The following PTPRD variants were observed in gnomAD, a reference collection of about 807,000 sequenced individuals.
PTPRD encodes the protein protein tyrosine phosphatase receptor type D, also known as receptor-type tyrosine-protein phosphatase delta.
In PTPRD, 34 loss-of-function variants were observed where a neutral mutation model predicts 214.5. That is an observed-to-expected ratio of 0.16 (90% CI 0.12 to 0.21). The LOEUF is 0.21. Among genes scored for constraint, PTPRD ranks in the 10% least tolerant of loss-of-function variants. PTPRD has a pLI of 1.00. For synonymous variants in PTPRD, 1,128 were observed against 845.7 expected, an observed-to-expected ratio of 1.33 and a Z score of -5.79; for missense variants, 2,545 against 2,398.7, an observed-to-expected ratio of 1.06 and a Z score of -1.27.
chr9:9,302,975 T>G (rs1955966094), intron 9 of PTPRD, among the ~76,000 whole-genome samples: 1 of 152,012 alleles, frequency 6.6e-6, no homozygotes, highest in South Asian at 2.1e-4. Flanking sequence ...TCTCTTTAGA[T>G]TCTATGCTAT....
chr9:8,806,567 G>C (rs1199647774), intron 11 of PTPRD, among the ~76,000 whole-genome samples: 1 of 152,094 alleles, frequency 6.6e-6, no homozygotes, highest in Non-Finnish European at 1.5e-5. Flanking sequence ...TATGCTATTA[G>C]ATTATCTGTA....
Position 10,258,743 on chromosome 9 carries a change from A to AAATC in PTPRD, c.-545+82219_-545+82220insGATT, listed in dbSNP as rs1554969633. On this transcript the variant is annotated intron_variant, in intron 3 of 45. Transcript: ENST00000381196. Reference sequence around the variant, plus strand: ...AGGTTTCAGTCAGGTATCGTTTTGTATCTCTCTCTCTTTCTCTCTCTTTCT... The same window carrying AAATC: ...AGGTTTCAGTCAGGTATCGTTTTGTAAATCTCTCTCTCTCTTTCTCTCTCTTTCT... 2.0e-5 allele frequency among the ~76,000 whole-genome samples: 3 copies of AAATC among 151,876 alleles called. No homozygotes were observed. In the East Asian group the frequency reaches 5.8e-4, roughly 30 times the overall value.
chr9:9,184,734 T>C (rs966186656), intron 9 of PTPRD, among the ~76,000 whole-genome samples: 9 of 152,078 alleles, frequency 5.9e-5, no homozygotes, highest in African/African-American at 2.2e-4. Context: ...TTTTGTCTTG[T>C]TTGAGGTTTT....
chr9:10,478,960 G>A lies in PTPRD; in HGVS notation c.-600+133438C>T, dbSNP rs532575020. Among the ~76,000 whole-genome samples, 104 of 151,918 alleles carry A rather than the reference G, an allele frequency of 6.8e-4. 2 individuals carry two copies. The highest frequency in any genetic ancestry group is 1.2e-4 in the Non-Finnish European group (8 of 67,950). On this transcript the variant is annotated intron_variant, in intron 2 of 45. Transcript: ENST00000381196. Reference sequence around the variant, plus strand: ...TCTCCATACATAAATCTATTTTTAAGAGAAATATTAATAATTGAATAAAAA... The same window carrying A: ...TCTCCATACATAAATCTATTTTTAAAAGAAATATTAATAATTGAATAAAAA...
intron 2 of PTPRD, among the ~76,000 whole-genome samples, chr9:10,516,730 C>A (rs542349933): frequency 6.6e-6 from 1 of 151,920 alleles, no homozygotes; most frequent in African/African-American, 2.4e-5. Context: ...CCTTTAATTC[C>A]TTTTCAGTTT....
intron 8 of PTPRD, among the ~76,000 whole-genome samples, chr9:9,543,344 A>T (rs766399206): frequency 2.0e-5 from 3 of 151,712 alleles, no homozygotes; most frequent in Non-Finnish European, 4.4e-5. Context: ...GCTACTTTCC[A>T]GAGGGATGCA....
chr9:9,079,590 T>C (rs1259168543), intron 10 of PTPRD, among the ~76,000 whole-genome samples: 1 of 150,392 alleles, frequency 6.6e-6, no homozygotes, highest in Non-Finnish European at 1.5e-5. Context: ...TCCATAGTGG[T>C]TGCACTAGTT....
At chr9:9,365,684 A>C (rs904152551) in intron 9 of PTPRD, among the ~76,000 whole-genome samples, 2 of 151,460 alleles carry the variant, frequency 1.3e-5, no homozygotes, top group African/African-American at 4.8e-5. Flanking sequence ...AATGGGCTTA[A>C]ATAGACAGGT....
intron 11 of PTPRD, among the ~76,000 whole-genome samples, chr9:8,944,507 T>C (rs1437579035): frequency 6.6e-6 from 1 of 152,076 alleles, no homozygotes; most frequent in Non-Finnish European, 1.5e-5. Flanking sequence ...AACCTACGTG[T>C]CCATCGACAG....
chr9:9,072,723 G>A (rs1004081722), intron 10 of PTPRD, among the ~76,000 whole-genome samples: 4 of 152,102 alleles, frequency 2.6e-5, no homozygotes, highest in African/African-American at 9.7e-5. Context: ...GAAATCTTAC[G>A]TAGCAGGGAC....
chr9:8,392,218 TA>T (rs745370799), intron 36 of PTPRD, among the ~76,000 whole-genome samples: 12 of 152,104 alleles, frequency 7.9e-5, no homozygotes, highest in Non-Finnish European at 1.6e-4. Context: ...ACCCTGTCTC[TA>T]CAAAAAAATA....
intron 7 of PTPRD, among the ~76,000 whole-genome samples, chr9:9,668,136 G>C (rs1424185229): frequency 6.6e-6 from 1 of 152,032 alleles, no homozygotes; most frequent in South Asian, 2.1e-4. Context: ...ATCTGAATAA[G>C]AAGCCACCAG....
At chr9:9,250,497 G>T (rs1286139805) in intron 9 of PTPRD, among the ~76,000 whole-genome samples, 1 of 152,064 alleles carries the variant, frequency 6.6e-6, no homozygotes, top group Non-Finnish European at 1.5e-5. Context: ...TAGCTCTTTA[G>T]ATTTTAACAA....
At chr9:10,267,299 A>C (rs2094136356) in intron 3 of PTPRD, among the ~76,000 whole-genome samples, 1 of 152,156 alleles carries the variant, frequency 6.6e-6, no homozygotes. Flanking sequence ...AAAAATAGAT[A>C]TACAAATTAT....
intron 9 of PTPRD, among the ~76,000 whole-genome samples, chr9:9,386,902 T>C (rs1277286183): frequency 6.6e-6 from 1 of 152,132 alleles, no homozygotes; most frequent in Non-Finnish European, 1.5e-5. Context: ...CAGAGGCATT[T>C]TCCCTTATCT....
At chr9:9,124,603 G>A (rs973836476) in intron 10 of PTPRD, among the ~76,000 whole-genome samples, 1 of 151,964 alleles carries the variant, frequency 6.6e-6, no homozygotes, top group Non-Finnish European at 1.5e-5. Flanking sequence ...TAACAAAACC[G>A]AACTGTTCAG....
intron 5 of PTPRD, among the ~76,000 whole-genome samples, chr9:9,897,052 T>A (rs188186179): frequency 6.6e-6 from 1 of 152,066 alleles, no homozygotes; most frequent in East Asian, 1.9e-4. Flanking sequence ...ATTTGCCATA[T>A]ATCACAAGAA....
At chr9:8,457,934 T>C (rs538767797) in intron 33 of PTPRD, among the ~76,000 whole-genome samples, 26 of 152,228 alleles carry the variant, frequency 1.7e-4, no homozygotes, top group Non-Finnish European at 2.8e-4. Flanking sequence ...ACACTATTCA[T>C]TGGGTACAGA....
At chr9:9,665,796 T>C (rs533980963) in intron 7 of PTPRD, among the ~76,000 whole-genome samples, 1 of 152,066 alleles carries the variant, frequency 6.6e-6, no homozygotes, top group East Asian at 1.9e-4. Context: ...CCCTTCACAG[T>C]ACTGAGGTAA....
Sources: allele counts gnomAD v4.1 joint callset (sites outside exome capture counted in the v4.1 genomes callset), GRCh38; gene constraint gnomAD v4.1.1; transcripts MANE v1.5; gene names NCBI Gene and HGNC (gene_info 2026-07-23, HGNC 2026-07-21).